The following DOK6 variants were observed in gnomAD, a reference collection of about 807,000 sequenced individuals.
The protein encoded by DOK6 is docking protein 6, also known as downstream of tyrosine kinase 6.
A neutral mutation model predicts 44.0 loss-of-function variants in DOK6; 22 were observed. The observed-to-expected ratio is 0.50, with a 90% CI of 0.36 to 0.71. DOK6 has a LOEUF of 0.71. DOK6 is among the 30% of genes least tolerant of loss of function. DOK6 has a pLI of 0.00. For synonymous variants in DOK6, 166 were observed against 145.5 expected (o/e 1.14, Z -1.01); for missense variants, 340 against 416.4 (o/e 0.82, Z 1.60).
intron 4 of DOK6, among the ~76,000 whole-genome samples, chr18:69,697,488 T>C (rs1986414118): frequency 6.6e-6 from 1 of 152,192 alleles, no homozygotes; most frequent in African/African-American, 2.4e-5. Flanking sequence ...ATTTTATTCA[T>C]ACAGTTATCA....
At chr18:69,452,102 CA>C (rs1165986420) in intron 1 of DOK6, among the ~76,000 whole-genome samples, 1 of 151,480 alleles carries the variant, frequency 6.6e-6, no homozygotes, top group Admixed American at 6.6e-5. Flanking sequence ...AAAAACCCTT[CA>C]AAAAATCAAT....
chr18:69,713,004 A>G (rs1466071897), intron 5 of DOK6, among the ~76,000 whole-genome samples: 3 of 152,236 alleles, frequency 2.0e-5, no homozygotes, highest in South Asian at 2.1e-4. Context: ...CCTTGAAATT[A>G]CAGCTACAAT....
At chr18:69,651,968 T>G (rs1253147105) in intron 3 of DOK6, among the ~76,000 whole-genome samples, 1 of 152,210 alleles carries the variant, frequency 6.6e-6, no homozygotes, top group Non-Finnish European at 1.5e-5. Context: ...GTGAATTGAT[T>G]TGATAACCAA....
At position 69,446,737 on chromosome 18, in the gene DOK6, G is replaced by A. The variant is rs1412219509; in HGVS notation, c.66+45427G>A. ...GCACCTGTTGTTTCCTGACTTTTTAGTGATCACCATTCTAACTGGTTTGAG... is the reference window on the plus strand; with the variant it reads ...GCACCTGTTGTTTCCTGACTTTTTAATGATCACCATTCTAACTGGTTTGAG... On this transcript the variant is annotated intron_variant, in intron 1 of 7. Transcript: ENST00000382713. Among the ~76,000 whole-genome samples the A allele has an allele frequency of 2.0e-5, 3 of 152,222 alleles. No homozygotes were observed. The South Asian group carries it at 6.2e-4, about 32-fold the overall frequency.
intron 6 of DOK6, among the ~76,000 whole-genome samples, chr18:69,748,869 A>G (rs576276600): frequency 2.2e-4 from 34 of 152,324 alleles, no homozygotes; most frequent in Non-Finnish European, 3.7e-4. Flanking sequence ...TGTTCACTGA[A>G]GCACTGTTCA....
rs192014403 is a variant in DOK6, at chr18:69,694,047, A to T, written c.410-4357A>T. ...GCACTCCAGCCTGGGCGACAGAGCG[A>T]GACTCCGTGTCAAAAAAAAAAAAAA... On this transcript the variant is annotated intron_variant, in intron 4 of 7. Coordinates refer to ENST00000382713, the MANE Select transcript of DOK6 (RefSeq NM_152721.6). 9.3e-3 allele frequency among the ~76,000 whole-genome samples: 1,123 copies of T among 120,420 alleles called. 12 individuals carry two copies. The highest frequency in any genetic ancestry group is 0.029 in the Admixed American group (293 of 10,008). The allele number at this position is 120,420 out of a possible 152,430, so 79.0% of individuals were successfully genotyped here.
chr18:69,702,540 G>A (rs1986546090), intron 5 of DOK6, among the ~76,000 whole-genome samples: 1 of 152,180 alleles, frequency 6.6e-6, no homozygotes, highest in South Asian at 2.1e-4. Flanking sequence ...TCATTTGGAG[G>A]CTGCTGTTCC....
Position 69,841,484 on chromosome 18 carries a change from G to C in DOK6, c.*101G>C. The C allele has an allele frequency of 6.6e-7, 1 of 1,507,362 alleles. No individual in the cohort carries two copies. The highest frequency in any genetic ancestry group is 8.9e-7 in the Non-Finnish European group (1 of 1,122,174). 93.4% of individuals were successfully genotyped at this position (1,507,362 alleles called of 1,614,324 possible). On this transcript the variant is annotated 3_prime_UTR_variant, in exon 8 of 8. Transcript: ENST00000382713. ...TGGAAGACCAATTGCAGTACAAATTGAAATGGGTCGGCTCTAGCCCCAGTC... is the reference window on the plus strand; with the variant it reads ...TGGAAGACCAATTGCAGTACAAATTCAAATGGGTCGGCTCTAGCCCCAGTC...
At chr18:69,630,266 T>C (rs752293027) in intron 3 of DOK6, among the ~76,000 whole-genome samples, 1 of 152,184 alleles carries the variant, frequency 6.6e-6, no homozygotes, top group Non-Finnish European at 1.5e-5. Context: ...CCATTTTACA[T>C]GTGATGTTTC....
At chr18:69,672,203 T>G (rs1054543829) in intron 3 of DOK6, among the ~76,000 whole-genome samples, 1 of 152,210 alleles carries the variant, frequency 6.6e-6, no homozygotes, top group Non-Finnish European at 1.5e-5. Flanking sequence ...ATGCACTTCC[T>G]ACTTAGAAAA....
intron 3 of DOK6, chr18:69,643,730 T>C (rs979753133): frequency 4.6e-5 from 7 of 152,232 alleles, no homozygotes; most frequent in African/African-American, 1.7e-4. Context: ...GCAGGATTTA[T>C]GTGGACATGT....
chr18:69,570,803 T>C (rs1983096812), intron 2 of DOK6, among the ~76,000 whole-genome samples: 1 of 152,088 alleles, frequency 6.6e-6, no homozygotes, highest in African/African-American at 2.4e-5. Context: ...CCAAAAATTC[T>C]ATGTCTGTGA....
intron 1 of DOK6, among the ~76,000 whole-genome samples, chr18:69,561,903 A>T (rs1223436931): frequency 6.6e-6 from 1 of 152,186 alleles, no homozygotes; most frequent in Non-Finnish European, 1.5e-5. Flanking sequence ...GAATTATATT[A>T]TCTAGGCTAT....
intron 1 of DOK6, among the ~76,000 whole-genome samples, chr18:69,506,176 G>A (rs757836894): frequency 1.3e-5 from 2 of 152,056 alleles, no homozygotes; most frequent in African/African-American, 4.8e-5. Flanking sequence ...ATAGATGGAA[G>A]TTATAAAGAC....
At position 69,848,772 on chromosome 18, in the gene DOK6, T is replaced by TTGTGCAG. The variant is rs1457310245; in HGVS notation, c.*7395_*7396insGTGTGCA. ...ATTTACAAATGATATTGCTATGAGG[T>TTGTGCAG]TGTGCACTATTAAAGTTTGCTCCAT... is the stretch of plus-strand genomic sequence containing the variant. On this transcript the variant is annotated 3_prime_UTR_variant, in exon 8 of 8. Coordinates refer to ENST00000382713, the MANE Select transcript of DOK6 (RefSeq NM_152721.6). 6.6e-6 allele frequency: 1 copy of TTGTGCAG among 152,164 alleles called. No homozygotes were observed. Among genetic ancestry groups the TTGTGCAG allele is most frequent in the Non-Finnish European group, 1.5e-5 (1 of 68,004 alleles). 9.4% of individuals were successfully genotyped at this position (152,164 alleles called of 1,614,324 possible).
intron 6 of DOK6, among the ~76,000 whole-genome samples, chr18:69,749,678 C>T (rs1481737783): frequency 1.3e-5 from 2 of 152,012 alleles, no homozygotes; most frequent in Non-Finnish European, 2.9e-5. Flanking sequence ...CAGTGGCTCA[C>T]GCCTGTAATC....
chr18:69,822,121 G>C (rs2145124791), intron 7 of DOK6, among the ~76,000 whole-genome samples: 1 of 152,220 alleles, frequency 6.6e-6, no homozygotes, highest in South Asian at 2.1e-4. Context: ...ACTTGATAAT[G>C]CATTTCATAT....
chr18:69,427,871 G>A (rs754390832), intron 1 of DOK6, among the ~76,000 whole-genome samples: 7 of 151,404 alleles, frequency 4.6e-5, no homozygotes, highest in Non-Finnish European at 5.9e-5. Flanking sequence ...TCAGCCTCCT[G>A]GGTTCAAGCA....
intron 2 of DOK6, among the ~76,000 whole-genome samples, chr18:69,572,971 G>A (rs186869810): frequency 1.3e-5 from 2 of 151,482 alleles, no homozygotes; most frequent in African/African-American, 4.8e-5. Flanking sequence ...ACGACATGTA[G>A]CAGGTATGTT....
Sources: gnomAD v4.1 joint callset for allele counts (sites outside exome capture counted in the v4.1 genomes callset) on GRCh38, gnomAD v4.1.1 for gene constraint, MANE v1.5 for transcripts, NCBI Gene and HGNC (gene_info 2026-07-23, HGNC 2026-07-21) for gene names.